YLPM1: variants seen among roughly 807,000 people sequenced by gnomAD.
YLPM1 encodes the protein YLP motif-containing protein 1.
A neutral mutation model predicts 230.0 loss-of-function variants in YLPM1; 99 were observed. The observed-to-expected ratio is 0.43, with a 90% confidence interval of 0.37 to 0.51. The LOEUF is 0.51. Ranked by LOEUF, YLPM1 falls within the 20% of genes least tolerant of loss-of-function variation. The pLI is 0.00. For missense variants in YLPM1, 2,592 were observed against 2,707.7 expected (o/e 0.96, Z 0.95); for synonymous variants, 984 against 942.5 (o/e 1.04, Z -0.81).
At chr14:74,788,675 C>T (rs1157725563) in intron 4 of YLPM1, among the ~76,000 whole-genome samples, 1 of 152,092 alleles carries the variant, frequency 6.6e-6, no homozygotes, top group African/African-American at 2.4e-5. Flanking sequence ...GAGACCCTGT[C>T]TCTACAAAAA....
chr14:74,796,100 G>C (rs1199070269), intron 4 of YLPM1, among the ~76,000 whole-genome samples: 1 of 152,178 alleles, frequency 6.6e-6, no homozygotes, highest in Non-Finnish European at 1.5e-5. Context: ...TGTCTGGGGG[G>C]CCTTGTGTCT....
chr14:74,821,051 G>A lies in YLPM1; in HGVS notation c.6031-6G>A. On this transcript the variant is annotated splice_region_variant and splice_polypyrimidine_tract_variant and intron_variant, in intron 16 of 20. Transcript: ENST00000325680. Reference sequence around the variant, plus strand: ...TCTTTTTTTTTTTTTTTAATGGTTGGTATAGGTAGAGATGGAAGATTTTGA... The same window carrying A: ...TCTTTTTTTTTTTTTTTAATGGTTGATATAGGTAGAGATGGAAGATTTTGA... The A allele has an allele frequency of 6.7e-7, 1 of 1,491,058 alleles. No individual in the cohort carries two copies. Among genetic ancestry groups the A allele is most frequent in the East Asian group, 2.5e-5 (1 of 39,814 alleles). The allele number at this position is 1,491,058 out of a possible 1,614,324, so 92.4% of individuals were successfully genotyped here. A position where few individuals can be genotyped will look rare whatever the true frequency, so the allele number is the denominator to read the frequency against.
intron 4 of YLPM1, among the ~76,000 whole-genome samples, chr14:74,790,151 G>C (rs557204579): frequency 1.3e-5 from 2 of 152,094 alleles, no homozygotes; most frequent in Non-Finnish European, 2.9e-5. Flanking sequence ...CTTCTGATCA[G>C]TCACAACTAT....
At position 74,778,679 on chromosome 14, in the gene YLPM1, C is replaced by T. The variant is rs867889571; in HGVS notation, c.1106C>T (p.Pro369Leu). The change falls in exon 2 of 21, where the codon CCC (proline) becomes CTC (leucine). Residue 369 changes from proline to leucine, a missense_variant. Physicochemically the swap from Pro to Leu is moderately conservative, Grantham distance 98. Coordinates refer to ENST00000325680, the MANE Select transcript of YLPM1 (RefSeq NM_019589.3). ...EVPPPLPPEE[P>L]QSEDPEEDAR... ...CCACCTCCTCTCCCACCTGAGGAAC[C>T]CCAGGTAACCATATAATTAATTGTT... 6.4e-7 allele frequency: 1 copy of T among 1,558,612 alleles called. No individual in the cohort carries two copies. Among genetic ancestry groups the T allele is most frequent in the Non-Finnish European group, 8.7e-7 (1 of 1,151,464 alleles).
At chr14:74,805,022 C>T (rs1594831260) in intron 6 of YLPM1, among the ~76,000 whole-genome samples, 3 of 146,676 alleles carry the variant, frequency 2.0e-5, no homozygotes, top group African/African-American at 4.9e-5. Flanking sequence ...TTTCTTTTTT[C>T]CTTTTTTTTT....
intron 6 of YLPM1, among the ~76,000 whole-genome samples, chr14:74,806,868 T>C (rs1263270495): frequency 2.0e-5 from 3 of 151,870 alleles, no homozygotes; most frequent in Non-Finnish European, 4.4e-5. Context: ...CTTTCTCATA[T>C]AAACAATAAT....
intron 16 of YLPM1, among the ~76,000 whole-genome samples, chr14:74,819,684 G>A (rs925198591): frequency 7.2e-5 from 11 of 152,208 alleles, no homozygotes; most frequent in African/African-American, 2.6e-4. Flanking sequence ...GATTTCCGTG[G>A]CAGTGGACAG....
intron 17 of YLPM1, chr14:74,821,532 C>G (rs950575698): frequency 6.5e-6 from 1 of 153,880 alleles, no homozygotes; most frequent in Admixed American, 6.5e-5. Context: ...ATTTGAGTTT[C>G]TGTCAACAGA....
At chr14:74,816,903 A>G in intron 13 of YLPM1, 28 bp from the exon 14 acceptor site, 1 of 1,532,602 alleles carries the variant, frequency 6.5e-7, no homozygotes. Context: ...GCTTTTGCTA[A>G]TTCCATATCT....
chr14:74,763,706 C>T lies in YLPM1; in HGVS notation c.217C>T (p.Gln73Ter). 6.4e-7 allele frequency: 1 copy of T among 1,554,542 alleles called. No individual in the cohort carries two copies. Among genetic ancestry groups the T allele is most frequent in the Non-Finnish European group, 8.7e-7 (1 of 1,145,728 alleles). Residue 73 changes from glutamine (Q) to a stop codon, truncating the protein, a stop_gained, in exon 1 of 21, where the codon CAG becomes TAG. Coordinates refer to ENST00000325680, the MANE Select transcript of YLPM1 (RefSeq NM_019589.3). LOFTEE classifies it high-confidence loss of function. ...GCAGCAGATGCACCAGAAGCAAATGCAGTGCGTGCTTCAGCCCCACCACCT... is the reference window on the plus strand; with the variant it reads ...GCAGCAGATGCACCAGAAGCAAATGTAGTGCGTGCTTCAGCCCCACCACCT... The part of the protein sequence containing the change: ...QLQQMHQKQM[Q>*]CVLQPHHLPP...
chr14:74,798,477 G>A lies in YLPM1; in HGVS notation c.3180G>A (p.Lys1060=). The A allele has an allele frequency of 6.2e-7, 1 of 1,613,992 alleles. No individual in the cohort carries two copies. Among genetic ancestry groups the A allele is most frequent in the Non-Finnish European group, 8.5e-7 (1 of 1,179,894 alleles). Residue 1060 remains lysine, a synonymous_variant, in exon 5 of 21, where the codon AAG becomes AAA. Transcript: ENST00000325680. ...TCAAGCAAGAAGACTTTCGGGATAAGATGATGGGTAGAAGAGAAGATAGTC... is the reference window on the plus strand; with the variant it reads ...TCAAGCAAGAAGACTTTCGGGATAAAATGATGGGTAGAAGAGAAGATAGTC... ...GLVKQEDFRD[K]MMGRREDSRE... is the part of the protein sequence containing the mutation.
chr14:74,766,515 C>T (rs551715900), intron 1 of YLPM1, among the ~76,000 whole-genome samples: 1 of 152,178 alleles, frequency 6.6e-6, no homozygotes, highest in East Asian at 1.9e-4. Context: ...CAGGGTCTTG[C>T]TCTGTCAGTC....
In YLPM1 at chr14:74,791,920, CAT is replaced by C. The variant is rs1203474859; in HGVS notation, c.2283-5659_2283-5658del. On this transcript the variant is annotated intron_variant, in intron 4 of 20. Transcript: ENST00000325680. ...AGAATTTGATTAGAATACTAGATAA[CAT>C]GTTAATAAGGTCTCTCATGGACTCT... Among the ~76,000 whole-genome samples the C allele has an allele frequency of 3.3e-5, 5 of 152,224 alleles. No homozygotes were observed. In the East Asian group the frequency reaches 7.7e-4, roughly 23 times the overall value.
chr14:74,802,073 C>T lies in YLPM1; in HGVS notation c.4401-483C>T, dbSNP rs141538976. Among the ~76,000 whole-genome samples, 1,021 of 152,098 alleles carry T rather than the reference C, an allele frequency of 6.7e-3. 9 individuals carry two copies. The highest frequency in any genetic ancestry group is 0.023 in the African/African-American group (962 of 41,508). On this transcript the variant is annotated intron_variant, in intron 5 of 20. Coordinates refer to ENST00000325680, the MANE Select transcript of YLPM1 (RefSeq NM_019589.3). ...CTACTAAAAAAATACAAATAATTAG[C>T]CGGGCGCGGTGGTGCATGCCTGTAG...
At chr14:74,790,256 C>T (rs1315853723) in intron 4 of YLPM1, among the ~76,000 whole-genome samples, 2 of 152,020 alleles carry the variant, frequency 1.3e-5, no homozygotes, top group African/African-American at 4.8e-5. Context: ...TATAGGTTTT[C>T]TTTATATTTC....
chr14:74,824,252 T>A lies in YLPM1; in HGVS notation c.6112-4T>A. 6.2e-7 allele frequency: 1 copy of A among 1,612,162 alleles called. No homozygotes were observed. The stretch of plus-strand genomic sequence containing the variant: ...CTTCGAGCTTCTCTCTGTGTACGAT[T>A]TAGGGTTACATTCCGAAAAGCAAAT... On this transcript the variant is annotated splice_polypyrimidine_tract_variant and splice_region_variant and intron_variant, in intron 17 of 20. Transcript: ENST00000325680.
At chr14:74,804,098 G>A (rs908154711) in intron 6 of YLPM1, among the ~76,000 whole-genome samples, 5 of 152,112 alleles carry the variant, frequency 3.3e-5, no homozygotes, top group Admixed American at 6.6e-5. Flanking sequence ...TAGAGGTTGC[G>A]GTGAGCCGAC....
intron 1 of YLPM1, 95 bp downstream of exon 1, chr14:74,764,457 A>G: frequency 7.2e-7 from 1 of 1,390,488 alleles, no homozygotes; most frequent in Admixed American, 2.8e-5. Context: ...TAATTCCAAC[A>G]CACAATGACT....
intron 4 of YLPM1, among the ~76,000 whole-genome samples, chr14:74,794,044 G>T (rs2091233918): frequency 6.6e-6 from 1 of 152,110 alleles, no homozygotes; most frequent in Admixed American, 6.5e-5. Context: ...TTGTCTTTCA[G>T]AATGTACAAA....
Sources: gnomAD v4.1 joint callset for allele counts (sites outside exome capture counted in the v4.1 genomes callset) on GRCh38, gnomAD v4.1.1 for gene constraint, MANE v1.5 for transcripts, NCBI Gene and HGNC (gene_info 2026-07-23, HGNC 2026-07-21) for gene names.